DLGAP1: variants seen among roughly 807,000 people sequenced by gnomAD.
DLGAP1 encodes DLG associated protein 1.
A neutral mutation model predicts 90.8 loss-of-function variants in DLGAP1; 11 were observed. The observed-to-expected ratio is 0.12, with a 90% CI of 0.08 to 0.20. The LOEUF (loss-of-function observed/expected upper bound fraction) is 0.20. Ranked by LOEUF, DLGAP1 falls within the 10% of genes least tolerant of loss-of-function variation. The probability of loss-of-function intolerance (pLI) is 1.00; values close to 1 mark genes in which losing one functional copy is unlikely to be tolerated. For missense variants in DLGAP1, 1,050 were observed against 1,333.8 expected, an observed-to-expected ratio of 0.79 and a Z score of 3.31; for synonymous variants, 558 against 540.7, an observed-to-expected ratio of 1.03 and a Z score of -0.44.
chr18:3,985,818 A>T (rs1228433225), intron 3 of DLGAP1, among the ~76,000 whole-genome samples: 1 of 152,148 alleles, frequency 6.6e-6, no homozygotes, highest in Non-Finnish European at 1.5e-5. Flanking sequence ...TCATTAGCCA[A>T]ATGCACTTCA....
rs140025990 is a variant in DLGAP1 at position 4,097,136 on chromosome 18, C to T, written c.-159+54044G>A. On this transcript the variant is annotated intron_variant, in intron 2 of 12. Coordinates refer to ENST00000315677, the MANE Select transcript of DLGAP1 (RefSeq NM_004746.4). ...ACTTTCAAAGGCTCCAATTGTTTAC[C>T]ACATTAAGGACCACCTTCTTGCCTT... is the stretch of plus-strand genomic sequence containing the variant. Among the ~76,000 whole-genome samples the T allele has an allele frequency of 5.6e-3, 856 of 152,272 alleles. 4 individuals are homozygous for T. The highest frequency in any genetic ancestry group is 8.0e-3 in the Non-Finnish European group (542 of 68,014).
chr18:3,681,232 A>G (rs1172764540), intron 7 of DLGAP1, among the ~76,000 whole-genome samples: 1 of 152,138 alleles, frequency 6.6e-6, no homozygotes, highest in Non-Finnish European at 1.5e-5. Flanking sequence ...TTTGTCATTT[A>G]GTTTCTTAGA....
chr18:4,007,768 G>A (rs1310886570), intron 2 of DLGAP1, among the ~76,000 whole-genome samples: 1 of 152,076 alleles, frequency 6.6e-6, no homozygotes, highest in African/African-American at 2.4e-5. Flanking sequence ...CTTGCTATTC[G>A]GTCATACCAT....
chr18:4,445,432 T>C (rs2083639192), intron 1 of DLGAP1, among the ~76,000 whole-genome samples: 1 of 146,340 alleles, frequency 6.8e-6, no homozygotes, highest in Non-Finnish European at 1.5e-5. Flanking sequence ...TATCTCCCAA[T>C]GCTATCCCTC....
chr18:3,506,266 C>T, intron 11 of DLGAP1, among the ~76,000 whole-genome samples: 1 of 151,138 alleles, frequency 6.6e-6, no homozygotes, highest in Admixed American at 6.6e-5. Flanking sequence ...GTAATCCCAA[C>T]ACTTTCGGTG....
chr18:4,282,760 G>A (rs932733009), intron 1 of DLGAP1, among the ~76,000 whole-genome samples: 3 of 152,216 alleles, frequency 2.0e-5, no homozygotes, highest in Non-Finnish European at 4.4e-5. Context: ...GGCATTGCGA[G>A]AGAAGAGCCT....
chr18:3,835,450 C>G (rs1355336979), intron 4 of DLGAP1, among the ~76,000 whole-genome samples: 1 of 151,886 alleles, frequency 6.6e-6, no homozygotes, highest in Non-Finnish European at 1.5e-5. Context: ...GAGATCAAGA[C>G]CATCCTGGGT....
chr18:3,813,963 G>T, intron 5 of DLGAP1, 96 bp downstream of exon 5: 1 of 1,225,342 alleles, frequency 8.2e-7, no homozygotes. Flanking sequence ...CCTGTAGGAT[G>T]TTTCTGCCCC....
intron 1 of DLGAP1, among the ~76,000 whole-genome samples, chr18:4,244,160 T>A (rs1352038100): frequency 6.6e-6 from 1 of 152,182 alleles, no homozygotes; most frequent in East Asian, 1.9e-4. Context: ...ATTTGAAATA[T>A]ATTTTCCTGG....
In DLGAP1 at chr18:3,657,658, A is replaced by G. The variant is rs545422423; in HGVS notation, c.1591+71477T>C. Among the ~76,000 whole-genome samples, 58 of 145,650 alleles carry G rather than the reference A, an allele frequency of 4.0e-4. No homozygotes were observed. The South Asian group carries it at 7.3e-3, about 18-fold the overall frequency. ...TGCTCTGTTGCCCAGGCTGGAGTGC[A>G]GTGGCGCGATCTCGGCTCACTGCAA... is the stretch of plus-strand genomic sequence containing the variant. On this transcript the variant is annotated intron_variant, in intron 7 of 12. Coordinates refer to ENST00000315677, the MANE Select transcript of DLGAP1 (RefSeq NM_004746.4).
intron 4 of DLGAP1, among the ~76,000 whole-genome samples, chr18:3,872,254 C>T (rs886604373): frequency 2.3e-5 from 3 of 131,680 alleles, no homozygotes; most frequent in African/African-American, 8.3e-5. Context: ...AAATTAAAAA[C>T]AAGAATTTGG....
chr18:4,237,084 C>T (rs550546074), intron 1 of DLGAP1, among the ~76,000 whole-genome samples: 2 of 152,254 alleles, frequency 1.3e-5, no homozygotes, highest in African/African-American at 2.4e-5. Flanking sequence ...CTGAAGCTAT[C>T]GAGTAGCTCA....
chr18:3,812,598 CAAAG>C (rs761295989), intron 5 of DLGAP1, among the ~76,000 whole-genome samples: 3 of 152,020 alleles, frequency 2.0e-5, no homozygotes, highest in Non-Finnish European at 4.4e-5. Flanking sequence ...AACTGGAAGC[CAAAG>C]AAAGAAGGAA....
chr18:4,259,612 G>A (rs1453007653), intron 1 of DLGAP1, among the ~76,000 whole-genome samples: 1 of 152,186 alleles, frequency 6.6e-6, no homozygotes, highest in Non-Finnish European at 1.5e-5. Context: ...AGATAAACCA[G>A]ATTGCTAAGA....
At chr18:3,710,198 A>C (rs1430538205) in intron 7 of DLGAP1, among the ~76,000 whole-genome samples, 1 of 152,174 alleles carries the variant, frequency 6.6e-6, no homozygotes, top group African/African-American at 2.4e-5. Context: ...ACAAGCTACC[A>C]AAACGGAACA....
At chr18:4,014,449 C>G (rs867210512) in intron 2 of DLGAP1, among the ~76,000 whole-genome samples, 1 of 152,066 alleles carries the variant, frequency 6.6e-6, no homozygotes, top group Non-Finnish European at 1.5e-5. Context: ...TATGAAAGTA[C>G]AGTCAGATAA....
chr18:4,070,356 CTTT>C (rs999007470), intron 2 of DLGAP1, among the ~76,000 whole-genome samples: 2 of 151,812 alleles, frequency 1.3e-5, no homozygotes, highest in Non-Finnish European at 2.9e-5. Flanking sequence ...CCACAGAAAT[CTTT>C]TTTTTATGAT....
At chr18:3,893,010 A>C (rs73374564) in intron 3 of DLGAP1, among the ~76,000 whole-genome samples, 4 of 151,474 alleles carry the variant, frequency 2.6e-5, no homozygotes, top group Non-Finnish European at 4.4e-5. Context: ...GCCATCCCCC[A>C]AAAAGTGTAC....
At chr18:3,713,099 T>C (rs1264833659) in intron 7 of DLGAP1, among the ~76,000 whole-genome samples, 1 of 152,222 alleles carries the variant, frequency 6.6e-6, no homozygotes, top group East Asian at 1.9e-4. Context: ...GAGATCTATA[T>C]ACACAGGATA....
Sources: gnomAD v4.1 joint callset for allele counts (sites outside exome capture counted in the v4.1 genomes callset) on GRCh38, gnomAD v4.1.1 for gene constraint, MANE v1.5 for transcripts, NCBI Gene and HGNC (gene_info 2026-07-23, HGNC 2026-07-21) for gene names.